NAV2: variants seen among roughly 807,000 people sequenced by gnomAD.
The protein encoded by NAV2 is helicase, APC down-regulated 1.
Under a neutral mutation model 223.2 loss-of-function variants are expected in NAV2, and 54 were observed. The observed-to-expected ratio is 0.24, with a 90% CI of 0.19 to 0.30. The LOEUF (loss-of-function observed/expected upper bound fraction) is 0.30, where lower values mean the gene tolerates loss of function less well. Among genes scored for constraint, NAV2 ranks in the 10% least tolerant of loss-of-function variants. NAV2 has a pLI of 1.00. For missense variants in NAV2, 2,806 were observed against 3,147.5 expected, an observed-to-expected ratio of 0.89 and a Z score of 2.60; for synonymous variants, 1,279 against 1,239.3, an observed-to-expected ratio of 1.03 and a Z score of -0.67.
chr11:19,495,939 G>A (rs933524726), intron 1 of NAV2, among the ~76,000 whole-genome samples: 2 of 152,118 alleles, frequency 1.3e-5, no homozygotes, highest in African/African-American at 2.4e-5. Context: ...AGAGGATGCG[G>A]GAGCAGGTCT....
chr11:19,391,074 G>A (rs1226836694), intron 1 of NAV2, among the ~76,000 whole-genome samples: 2 of 152,158 alleles, frequency 1.3e-5, no homozygotes, highest in African/African-American at 2.4e-5. Context: ...TAAATGAGGG[G>A]CCCAGCATTT....
At chr11:19,533,896 C>T (rs1301848925) in intron 1 of NAV2, among the ~76,000 whole-genome samples, 4 of 139,456 alleles carry the variant, frequency 2.9e-5, no homozygotes, top group Non-Finnish European at 4.4e-5. Context: ...TTAGTAGAGA[C>T]GGGGTTTCAC....
intron 3 of NAV2, among the ~76,000 whole-genome samples, chr11:19,848,766 T>C (rs1339608702): frequency 6.6e-6 from 1 of 152,214 alleles, no homozygotes; most frequent in African/African-American, 2.4e-5. Context: ...AAAACAGACA[T>C]GCCTCGGGAA....
chr11:19,979,397 T>C (rs906020704), intron 10 of NAV2, among the ~76,000 whole-genome samples: 1 of 152,140 alleles, frequency 6.6e-6, no homozygotes, highest in African/African-American at 2.4e-5. Flanking sequence ...GCAGCCCAGT[T>C]CCTAGCTGTG....
chr11:19,973,713 C>T (rs967852904), intron 10 of NAV2, among the ~76,000 whole-genome samples: 2 of 152,296 alleles, frequency 1.3e-5, no homozygotes, highest in Non-Finnish European at 2.9e-5. Flanking sequence ...TTGCAGAATA[C>T]GTTGAAGGAT....
chr11:19,987,830 G>C (rs1357403283), intron 11 of NAV2, among the ~76,000 whole-genome samples: 1 of 152,202 alleles, frequency 6.6e-6, no homozygotes, highest in East Asian at 1.9e-4. Flanking sequence ...CAGCAGACTA[G>C]AGCCAGGTGT....
chr11:19,985,283 C>T (rs1168489611), intron 11 of NAV2, among the ~76,000 whole-genome samples: 1 of 152,176 alleles, frequency 6.6e-6, no homozygotes, highest in Non-Finnish European at 1.5e-5. Flanking sequence ...ATGGAATTTG[C>T]TGAAGAAGAA....
At chr11:19,367,720 C>T (rs1002414514) in intron 1 of NAV2, among the ~76,000 whole-genome samples, 1 of 152,112 alleles carries the variant, frequency 6.6e-6, no homozygotes, top group South Asian at 2.1e-4. Context: ...GACTAGAATG[C>T]CTCCTAAGTC....
intron 1 of NAV2, among the ~76,000 whole-genome samples, chr11:19,828,776 C>T (rs981982716): frequency 2.0e-5 from 3 of 152,096 alleles, no homozygotes; most frequent in Admixed American, 6.5e-5. Flanking sequence ...ATTTTTTGAA[C>T]GGGTAATTAG....
intron 2 of NAV2, among the ~76,000 whole-genome samples, chr11:19,840,102 G>C (rs1021993062): frequency 6.6e-6 from 1 of 152,172 alleles, no homozygotes; most frequent in Admixed American, 6.5e-5. Context: ...AGTATTTCAA[G>C]TATATGAAAC....
At chr11:19,957,215 C>G (rs78388494) in intron 10 of NAV2, among the ~76,000 whole-genome samples, 1,793 of 152,318 alleles carry the variant, frequency 0.012, 43 homozygotes, top group African/African-American at 0.041. Flanking sequence ...TGGGCCAGAT[C>G]CTGTCTAGGG....
At chr11:19,837,162 C>T (rs1207385275) in intron 2 of NAV2, among the ~76,000 whole-genome samples, 1 of 152,142 alleles carries the variant, frequency 6.6e-6, no homozygotes, top group Non-Finnish European at 1.5e-5. Context: ...ACAGTGTGAA[C>T]ATCAAAATCA....
At chr11:19,483,586 A>C (rs959471045) in intron 1 of NAV2, among the ~76,000 whole-genome samples, 24 of 152,228 alleles carry the variant, frequency 1.6e-4, no homozygotes, top group African/African-American at 5.5e-4. Flanking sequence ...GAGGTTGCTA[A>C]GAAGGAGGAA....
intron 1 of NAV2, among the ~76,000 whole-genome samples, chr11:19,456,726 G>A (rs946731598): frequency 6.6e-6 from 1 of 152,180 alleles, no homozygotes; most frequent in Non-Finnish European, 1.5e-5. Flanking sequence ...TGTTAGAGGT[G>A]GGATTTGAAC....
intron 1 of NAV2, among the ~76,000 whole-genome samples, chr11:19,424,634 C>T (rs1472355977): frequency 1.3e-5 from 2 of 152,128 alleles, no homozygotes; most frequent in African/African-American, 4.8e-5. Context: ...CTGCAACCTC[C>T]ACCTCCTGGG....
At chr11:19,971,568 A>T (rs1032070500) in intron 10 of NAV2, among the ~76,000 whole-genome samples, 4 of 152,110 alleles carry the variant, frequency 2.6e-5, no homozygotes, top group African/African-American at 9.7e-5. Flanking sequence ...ATCATATGCA[A>T]CTTTTGTGGA....
At chr11:20,057,609 C>A (rs1219138127) in intron 19 of NAV2, among the ~76,000 whole-genome samples, 1 of 152,168 alleles carries the variant, frequency 6.6e-6, no homozygotes, top group Non-Finnish European at 1.5e-5. Context: ...AGTGTACTGG[C>A]CAAGCATCGC....
At chr11:19,509,690 T>G (rs80151390) in intron 1 of NAV2, among the ~76,000 whole-genome samples, 109 of 152,300 alleles carry the variant, frequency 7.2e-4, no homozygotes, top group African/African-American at 2.4e-3. Flanking sequence ...CACCTTCTCT[T>G]TGCTGGTTCT....
chr11:19,992,824 T>C (rs2051474120), intron 11 of NAV2, among the ~76,000 whole-genome samples: 1 of 152,080 alleles, frequency 6.6e-6, no homozygotes. Context: ...GAACTCCTGA[T>C]CTCCGGTGAT....
Sources: gnomAD v4.1 joint callset for allele counts (sites outside exome capture counted in the v4.1 genomes callset) on GRCh38, gnomAD v4.1.1 for gene constraint, MANE v1.5 for transcripts, NCBI Gene and HGNC (gene_info 2026-07-23, HGNC 2026-07-21) for gene names.